Variants in IPO7 observed in about 807,000 individuals in gnomAD.
IPO7 encodes importin 7.
IPO7 carries 13 observed loss-of-function variants against 136.4 expected under a neutral mutation model. The ratio of observed to expected loss-of-function variants is 0.10; its 90% CI spans 0.06 to 0.15. The LOEUF is 0.15. Among genes scored for constraint, IPO7 ranks in the 10% least tolerant of loss-of-function variants. The pLI is 1.00. For missense variants in IPO7, 857 were observed against 1,240.6 expected, an observed-to-expected ratio of 0.69 and a Z score of 4.65; for synonymous variants, 403 against 404.4, an observed-to-expected ratio of 1.00 and a Z score of 0.04.
intron 1 of IPO7, among the ~76,000 whole-genome samples, chr11:9,393,712 A>G (rs771356527): frequency 5.9e-5 from 9 of 151,944 alleles, no homozygotes; most frequent in Non-Finnish European, 8.8e-5. Flanking sequence ...TAGATTTAAT[A>G]AATTCTCTAC....
At chr11:9,442,550 A>G (rs1855473400) in intron 24 of IPO7, among the ~76,000 whole-genome samples, 1 of 152,030 alleles carries the variant, frequency 6.6e-6, no homozygotes, top group African/African-American at 2.4e-5. Context: ...AGTAGCTGGG[A>G]CTACAGGCAC....
chr11:9,389,993 G>A (rs911429479), intron 1 of IPO7, among the ~76,000 whole-genome samples: 3 of 152,134 alleles, frequency 2.0e-5, no homozygotes, highest in Non-Finnish European at 4.4e-5. Context: ...CTCACTGCAG[G>A]TGATTGCCCA....
At chr11:9,438,874 C>T (rs1348263846) in intron 22 of IPO7, among the ~76,000 whole-genome samples, 2 of 152,176 alleles carry the variant, frequency 1.3e-5, no homozygotes, top group Non-Finnish European at 2.9e-5. Context: ...TCATGCAGTT[C>T]TTCAAAAGTT....
At chr11:9,401,277 T>G (rs1186389409) in intron 1 of IPO7, among the ~76,000 whole-genome samples, 3 of 151,522 alleles carry the variant, frequency 2.0e-5, no homozygotes, top group Admixed American at 2.0e-4. Context: ...ACAGTATAAG[T>G]GGTGGTTATA....
At chr11:9,412,618 C>T (rs1854982089) in intron 4 of IPO7, among the ~76,000 whole-genome samples, 1 of 152,088 alleles carries the variant, frequency 6.6e-6, no homozygotes, top group Non-Finnish European at 1.5e-5. Context: ...GAGTTTGAGA[C>T]CAGCTTGGGC....
chr11:9,388,160 TA>T (rs769221155), intron 1 of IPO7, among the ~76,000 whole-genome samples: 83 of 150,696 alleles, frequency 5.5e-4, no homozygotes, highest in Non-Finnish European at 1.6e-4. Context: ...AAAATAAAAA[TA>T]AAAATAAATA....
In IPO7 at chr11:9,417,145, TA is replaced by T; in HGVS notation, c.725del (p.Asn242MetfsTer27). On this transcript the variant is annotated frameshift_variant and splice_region_variant, in exon 6 of 25. Coordinates refer to ENST00000379719, the MANE Select transcript of IPO7 (RefSeq NM_006391.3). LOFTEE classifies it high-confidence loss of function. ...LKTVVNRDVPNETLQVEEDDR... is the reference protein window; with the variant it reads ...LKTVVNRDVPXETLQVEEDDR... ...AGACTGTTGTGAACAGGGATGTACC[TA>T]ATGTAAGTTTCTGTATGTTCTCTTA... 1 of 1,382,856 alleles carries T rather than the reference TA, an allele frequency of 7.2e-7. No homozygotes were observed. The highest frequency in any genetic ancestry group is 1.0e-6 in the Non-Finnish European group (1 of 982,718). The allele number at this position is 1,382,856 out of a possible 1,614,324, so 85.7% of individuals were successfully genotyped here.
intron 5 of IPO7, among the ~76,000 whole-genome samples, chr11:9,415,342 T>C (rs1203595054): frequency 6.7e-6 from 1 of 150,136 alleles, no homozygotes; most frequent in East Asian, 2.0e-4. Context: ...AAAGAATTAG[T>C]GAATCTGAAA....
intron 5 of IPO7, 138 bp from the exon 6 acceptor site, chr11:9,416,921 C>G (rs1855049392): frequency 2.2e-6 from 1 of 456,400 alleles, no homozygotes. Context: ...AGATAACAAG[C>G]AAAGAAGTTT....
At chr11:9,428,877 A>T (rs1254900109) in intron 13 of IPO7, 154 bp from the exon 14 acceptor site, 1 of 810,182 alleles carries the variant, frequency 1.2e-6, no homozygotes, top group Admixed American at 1.7e-5. Context: ...CCAAAGAGTA[A>T]CTTGGGATCA....
At chr11:9,415,087 G>T (rs1391883200) in intron 5 of IPO7, among the ~76,000 whole-genome samples, 4 of 151,908 alleles carry the variant, frequency 2.6e-5, no homozygotes, top group Non-Finnish European at 4.4e-5. Flanking sequence ...GGAGGCTGTG[G>T]TGGGCGCATC....
At chr11:9,403,083 A>G in intron 1 of IPO7, 1 of 578,860 alleles carries the variant, frequency 1.7e-6, no homozygotes, top group Non-Finnish European at 3.0e-6. Flanking sequence ...TATACAGGCT[A>G]ATGAAAACAT....
At chr11:9,438,361 T>C in intron 22 of IPO7, 76 bp downstream of exon 22, 2 of 921,946 alleles carry the variant, frequency 2.2e-6, no homozygotes, top group South Asian at 1.4e-5. Context: ...GCGCAGTGGC[T>C]CAGGCCTGTA....
chr11:9,434,995 C>T lies in IPO7; in HGVS notation c.2136C>T (p.Thr712=), dbSNP rs1188817054. The part of the protein sequence containing the change: ...TVDTDTLLSD[T]KYLEMIYSMC... The stretch of plus-strand genomic sequence containing the variant: ...ATACAGACACACTTCTGTCTGACAC[C>T]AAGTATCTTGAAATGATATACAGTA... The change falls in exon 19 of 25, where the codon ACC becomes ACT. Residue 712 remains threonine, a synonymous_variant. Transcript: ENST00000379719. 2 of 1,607,188 alleles carry T rather than the reference C, an allele frequency of 1.2e-6. No homozygotes were observed. The highest frequency in any genetic ancestry group is 1.7e-5 in the Admixed American group (1 of 59,984).
chr11:9,405,552 A>G (rs774091600), intron 2 of IPO7, among the ~76,000 whole-genome samples: 15 of 152,124 alleles, frequency 9.9e-5, no homozygotes, highest in Non-Finnish European at 1.6e-4. Context: ...CCTCCTGAGT[A>G]GCTGGGACTG....
At position 9,429,771 on chromosome 11, in the gene IPO7, G is replaced by A; in HGVS notation, c.1689G>A (p.Gln563=). ...ATGATGACCTTACCAATGTAATTCA[G>A]AAAATGATCTGTGAATATAGTGAAG... is the stretch of plus-strand genomic sequence containing the variant. The part of the protein sequence containing the change: ...TENDDLTNVI[Q]KMICEYSEEV... The change falls in exon 15 of 25, where the codon CAG becomes CAA. Residue 563 remains glutamine, a synonymous_variant. Transcript: ENST00000379719. 6.2e-7 allele frequency: 1 copy of A among 1,605,712 alleles called. No individual in the cohort carries two copies. The highest frequency in any genetic ancestry group is 8.5e-7 in the Non-Finnish European group (1 of 1,175,162).
intron 1 of IPO7, 32 bp downstream of exon 1, chr11:9,384,879 C>T: frequency 1.9e-6 from 3 of 1,545,880 alleles, no homozygotes; most frequent in Non-Finnish European, 2.6e-6. Context: ...TGGCGGCGGG[C>T]AGGCGGGTGG....
Position 9,438,298 on chromosome 11 carries a change from C to A in IPO7, c.2695+13C>A. 2.1e-6 allele frequency: 3 copies of A among 1,452,112 alleles called. No homozygotes were observed. The highest frequency in any genetic ancestry group is 2.9e-6 in the Non-Finnish European group (3 of 1,037,916). The allele number at this position is 1,452,112 out of a possible 1,614,324, so 90.0% of individuals were successfully genotyped here. A position where few individuals can be genotyped will look rare whatever the true frequency, so the allele number is the denominator to read the frequency against. ...GATGATGAAACCGGTAAGGGATTTT[C>A]AATGGAAGAAGACAAAACTTATCTA... is the stretch of plus-strand genomic sequence containing the variant. On this transcript the variant is annotated intron_variant, in intron 22 of 24. Transcript: ENST00000379719.
At chr11:9,409,068 A>G (rs1854930825) in intron 3 of IPO7, among the ~76,000 whole-genome samples, 1 of 150,142 alleles carries the variant, frequency 6.7e-6, no homozygotes, top group Admixed American at 6.6e-5. Flanking sequence ...TTTTTGTAGC[A>G]GAAAACTTAC....
Sources: allele counts gnomAD v4.1 joint callset (sites outside exome capture counted in the v4.1 genomes callset), GRCh38; gene constraint gnomAD v4.1.1; transcripts MANE v1.5; gene names NCBI Gene and HGNC (gene_info 2026-07-23, HGNC 2026-07-21).